The following ATG7 variants were observed in gnomAD, a reference collection of about 807,000 sequenced individuals.
The protein encoded by ATG7 is ubiquitin-like modifier-activating enzyme ATG7.
ATG7 carries 70 observed loss-of-function variants against 82.4 expected under a neutral mutation model. The ratio of observed to expected loss-of-function variants is 0.85; its 90% CI spans 0.70 to 1.04. ATG7 has a LOEUF of 1.04. ATG7 is among the 50% of genes least tolerant of loss of function. The pLI, the probability that ATG7 is intolerant of heterozygous loss-of-function variation, is 0.00. For missense variants in ATG7, 792 were observed against 864.3 expected, an observed-to-expected ratio of 0.92 and a Z score of 1.05; for synonymous variants, 287 against 313.0, an observed-to-expected ratio of 0.92 and a Z score of 0.88.
Position 11,557,456 on chromosome 3 carries a change from G to A in ATG7, c.*2613G>A, listed in dbSNP as rs565975247. On this transcript the variant is annotated 3_prime_UTR_variant, in exon 21 of 21. Transcript: ENST00000693202. Reference sequence around the variant, plus strand: ...AGCTTGTAACAAAGCAGACAGGGATGCAAAAATAAATGATGTCAGCCTGCA... The same window carrying A: ...AGCTTGTAACAAAGCAGACAGGGATACAAAAATAAATGATGTCAGCCTGCA... 15 of 152,730 alleles carry A rather than the reference G, an allele frequency of 9.8e-5. No individual in the cohort carries two copies. The East Asian group carries it at 2.6e-3, about 27-fold the overall frequency. The allele number at this position is 152,730 out of a possible 1,614,324, so 9.5% of individuals were successfully genotyped here.
chr3:11,412,853 T>C (rs758299223), intron 19 of ATG7, among the ~76,000 whole-genome samples: 3 of 152,188 alleles, frequency 2.0e-5, no homozygotes, highest in African/African-American at 7.2e-5. Context: ...TGTATTTCCA[T>C]TTATTTATGA....
chr3:11,390,428 T>C (rs865981509), intron 19 of ATG7, among the ~76,000 whole-genome samples: 1 of 151,824 alleles, frequency 6.6e-6, no homozygotes, highest in African/African-American at 2.4e-5. Context: ...TTTTTGATAA[T>C]ATTCCAATAG....
At chr3:11,573,323 GAAAGAAAGAAAGAAAGA>G in the ATG7 span, among the ~76,000 whole-genome samples, 72 of 34,446 alleles carry the variant, frequency 2.1e-3, 5 homozygotes, top group East Asian at 6.0e-3. Context: ...AAGGAAGAAA[GAAAGAAAGAAAGAAAGA>G]AAGAAAGAAA....
intron 20 of ATG7, among the ~76,000 whole-genome samples, chr3:11,451,886 GACACAC>G (rs34995509): frequency 6.9e-5 from 10 of 145,426 alleles, no homozygotes; most frequent in African/African-American, 1.3e-4. Context: ...CACACACACA[GACACAC>G]ACACACACAG....
At chr3:11,558,269 C>T (rs370926057), downstream of ATG7, 5 of 509,660 alleles carry the variant, frequency 9.8e-6, no homozygotes, top group East Asian at 1.6e-4. Flanking sequence ...GTCGGGGCAG[C>T]AGACCTGCAT....
At chr3:11,463,172 A>G (rs945077514) in intron 20 of ATG7, among the ~76,000 whole-genome samples, 3 of 152,114 alleles carry the variant, frequency 2.0e-5, no homozygotes, top group African/African-American at 4.8e-5. Flanking sequence ...GGCGTGAGCC[A>G]CCATGCCCGG....
chr3:11,373,990 T>TA (rs2077213381), intron 18 of ATG7, among the ~76,000 whole-genome samples: 1 of 152,226 alleles, frequency 6.6e-6, no homozygotes, highest in Non-Finnish European at 1.5e-5. Flanking sequence ...TTTATTGTCT[T>TA]ACGAGCAAAT....
chr3:11,497,377 ATATATATATATATATT>A (rs2090926877), intron 20 of ATG7, among the ~76,000 whole-genome samples: 1 of 120,514 alleles, frequency 8.3e-6, no homozygotes, highest in Non-Finnish European at 1.7e-5. Context: ...ATATATATAT[ATATATATATATATATT>A]TAGCCAGGCA....
chr3:11,558,522 G>A, downstream of ATG7: 2 of 1,418,074 alleles, frequency 1.4e-6, no homozygotes, highest in East Asian at 3.2e-5. Context: ...GGCAAACCAT[G>A]CAGATCCACG....
chr3:11,557,715 C>G (rs1411824367), downstream of ATG7: 3 of 152,670 alleles, frequency 2.0e-5, no homozygotes, highest in Non-Finnish European at 4.4e-5. Flanking sequence ...TTAATAGAAA[C>G]CAGCTATTTT....
rs1360183289 is a variant in ATG7, at chr3:11,306,970, C to T, written c.243C>T (p.Cys81=). ...GTGCTCCCACCCCAGCCCGTTGCTG[C>T]CCAGCTATTGGAACACTGTATAACA... The part of the protein sequence containing the change: ...DMSAPTPARC[C]PAIGTLYNTN... The change falls in exon 6 of 21, where the codon TGC becomes TGT. Residue 81 remains cysteine (C), a synonymous_variant. Transcript: ENST00000693202. 6.2e-7 allele frequency: 1 copy of T among 1,613,892 alleles called. No individual in the cohort carries two copies. Among genetic ancestry groups the T allele is most frequent in the African/African-American group, 1.3e-5 (1 of 74,886 alleles).
chr3:11,533,138 G>A (rs976079004), intron 20 of ATG7, among the ~76,000 whole-genome samples: 1 of 152,176 alleles, frequency 6.6e-6, no homozygotes, highest in African/African-American at 2.4e-5. Flanking sequence ...TCTTCACCCC[G>A]GGTCTGAATA....
At chr3:11,327,521 A>T (rs1029424551) in intron 9 of ATG7, among the ~76,000 whole-genome samples, 1 of 152,216 alleles carries the variant, frequency 6.6e-6, no homozygotes, top group African/African-American at 2.4e-5. Context: ...GTGCAAGTTC[A>T]TCAAGCTTCT....
intron 20 of ATG7, among the ~76,000 whole-genome samples, chr3:11,523,001 C>T (rs1457275255): frequency 6.6e-6 from 1 of 152,100 alleles, no homozygotes; most frequent in Non-Finnish European, 1.5e-5. Context: ...ACAATGATAC[C>T]TTTTAGGGCT....
chr3:11,365,703 AG>A (rs1387773762), intron 18 of ATG7, among the ~76,000 whole-genome samples: 10 of 152,142 alleles, frequency 6.6e-5, no homozygotes, highest in Admixed American at 6.5e-4. Context: ...TCTGCCAGCT[AG>A]GGCGGCACTG....
intron 20 of ATG7, among the ~76,000 whole-genome samples, chr3:11,486,970 A>AGG (rs1483481659): frequency 3.3e-5 from 5 of 151,860 alleles, no homozygotes; most frequent in Admixed American, 2.6e-4. Context: ...TCCTAGGCAG[A>AGG]GGACCCTGCG....
At chr3:11,486,606 G>C (rs1302089711) in intron 20 of ATG7, among the ~76,000 whole-genome samples, 2 of 151,650 alleles carry the variant, frequency 1.3e-5, no homozygotes, top group Admixed American at 6.6e-5. Context: ...GGGCATCCCT[G>C]TCTTGTGCCA....
rs140795876 is a variant in ATG7 at position 11,518,675 on chromosome 3, T to A, written c.2080-36136T>A. ...ATGGAGATGGACATCTGGGAGTTGC[T>A]GGATTCTAGAATAAACATTTGACAG... On this transcript the variant is annotated intron_variant, in intron 20 of 20. Transcript: ENST00000693202. Among the ~76,000 whole-genome samples the A allele has an allele frequency of 7.8e-3, 1,181 of 152,332 alleles. 12 individuals are homozygous for A. The highest frequency in any genetic ancestry group is 0.027 in the African/African-American group (1,135 of 41,582).
intron 20 of ATG7, among the ~76,000 whole-genome samples, chr3:11,504,979 A>G (rs556980554): frequency 6.6e-5 from 10 of 152,284 alleles, no homozygotes; most frequent in African/African-American, 2.4e-4. Flanking sequence ...AAAATGGGAA[A>G]TATATATAAT....
Sources: allele counts gnomAD v4.1 joint callset (sites outside exome capture counted in the v4.1 genomes callset), GRCh38; gene constraint gnomAD v4.1.1; transcripts MANE v1.5; gene names NCBI Gene and HGNC (gene_info 2026-07-23, HGNC 2026-07-21).